NR3C1: variants seen among roughly 807,000 people sequenced by gnomAD.
The protein encoded by NR3C1 is nuclear receptor subfamily 3 group C member 1, also known as glucocorticoid receptor.
NR3C1 carries 14 observed loss-of-function variants against 74.0 expected under a neutral mutation model. That is an observed-to-expected ratio of 0.19 (90% CI 0.12 to 0.30). The LOEUF (loss-of-function observed/expected upper bound fraction) is 0.30, where lower values mean the gene tolerates loss of function less well. NR3C1 is among the 10% of genes least tolerant of loss of function. The pLI, the probability that NR3C1 is intolerant of heterozygous loss-of-function variation, is 1.00. For synonymous variants in NR3C1, 308 were observed against 332.5 expected, an observed-to-expected ratio of 0.93 and a Z score of 0.80; for missense variants, 695 against 909.8, an observed-to-expected ratio of 0.76 and a Z score of 3.04.
intron 2 of NR3C1, among the ~76,000 whole-genome samples, chr5:143,356,299 T>C (rs1013973110): frequency 6.6e-6 from 1 of 152,150 alleles, no homozygotes; most frequent in Non-Finnish European, 1.5e-5. Context: ...TTGATTTAAA[T>C]TGTTTTAAAT....
intron 1 of NR3C1, among the ~76,000 whole-genome samples, chr5:143,429,103 T>C (rs1751683031): frequency 6.6e-6 from 1 of 152,224 alleles, no homozygotes; most frequent in Admixed American, 6.5e-5. Flanking sequence ...TGCTTAATAA[T>C]AAATAACAAT....
At chr5:143,360,415 T>A (rs1832007612) in intron 2 of NR3C1, among the ~76,000 whole-genome samples, 1 of 152,186 alleles carries the variant, frequency 6.6e-6, no homozygotes, top group Non-Finnish European at 1.5e-5. Context: ...TTGAGACAGC[T>A]TTAAAAAACA....
intron 2 of NR3C1, among the ~76,000 whole-genome samples, chr5:143,376,066 T>G (rs1476437746): frequency 6.6e-6 from 1 of 152,002 alleles, no homozygotes; most frequent in African/African-American, 2.4e-5. Flanking sequence ...TCTATGCCAA[T>G]GAGAATTTTT....
intron 3 of NR3C1, among the ~76,000 whole-genome samples, chr5:143,311,244 A>G (rs1023793559): frequency 6.6e-6 from 1 of 152,252 alleles, no homozygotes; most frequent in Non-Finnish European, 1.5e-5. Context: ...AAGTGGTTAT[A>G]ATACAAAAAA....
At chr5:143,415,729 T>A (rs1841455079) in intron 1 of NR3C1, among the ~76,000 whole-genome samples, 1 of 152,206 alleles carries the variant, frequency 6.6e-6, no homozygotes, top group Non-Finnish European at 1.5e-5. Context: ...TATTTTTGTA[T>A]CTAGATCTTT....
At chr5:143,405,108 G>A (rs1841021654), upstream of NR3C1, 1 of 985,190 alleles carries the variant, frequency 1.0e-6, no homozygotes, top group Admixed American at 6.1e-5. Context: ...CCAGCTCGCC[G>A]CGTCGGGAAG....
At chr5:143,374,341 A>C (rs1046027339) in intron 2 of NR3C1, among the ~76,000 whole-genome samples, 1 of 152,086 alleles carries the variant, frequency 6.6e-6, no homozygotes, top group Non-Finnish European at 1.5e-5. Flanking sequence ...AAATACAAAA[A>C]ATTAGCCGGG....
intron 4 of NR3C1, among the ~76,000 whole-genome samples, chr5:143,308,370 G>A (rs1207866026): frequency 1.3e-5 from 2 of 152,100 alleles, no homozygotes; most frequent in Non-Finnish European, 2.9e-5. Context: ...CCTACTGGGT[G>A]GGAAGATGGC....
chr5:143,324,488 G>A (rs1824117020), intron 2 of NR3C1, among the ~76,000 whole-genome samples: 1 of 152,184 alleles, frequency 6.6e-6, no homozygotes, highest in South Asian at 2.1e-4. Context: ...TGAGGACCGT[G>A]GGCCTGGCCC....
At chr5:143,419,111 G>T (rs1008386221) in intron 1 of NR3C1, among the ~76,000 whole-genome samples, 1 of 152,088 alleles carries the variant, frequency 6.6e-6, no homozygotes, top group African/African-American at 2.4e-5. Flanking sequence ...TTGGATTTTT[G>T]GATTAGGGAT....
chr5:143,388,557 A>G (rs998501043), intron 2 of NR3C1, among the ~76,000 whole-genome samples: 8 of 152,222 alleles, frequency 5.3e-5, no homozygotes, highest in African/African-American at 1.9e-4. Context: ...AGGTGAGCAG[A>G]TAAGACACAA....
chr5:143,427,831 T>G (rs956202463), intron 1 of NR3C1, among the ~76,000 whole-genome samples: 2 of 152,208 alleles, frequency 1.3e-5, no homozygotes, highest in Non-Finnish European at 2.9e-5. Flanking sequence ...CTTATAAGTT[T>G]AGAACCTCTG....
intron 2 of NR3C1, among the ~76,000 whole-genome samples, chr5:143,359,011 C>T (rs538014337): frequency 6.6e-6 from 1 of 152,258 alleles, no homozygotes; most frequent in Non-Finnish European, 1.5e-5. Flanking sequence ...TAATATTAAT[C>T]TGCATAGGAA....
upstream of NR3C1, chr5:143,403,761 G>C (rs1308039851): frequency 1.0e-6 from 1 of 984,070 alleles, no homozygotes; most frequent in Non-Finnish European, 1.2e-6. Context: ...GGGGCCGCGC[G>C]GCGGCCGCGG....
chr5:143,412,105 G>A (rs929968110), intron 1 of NR3C1, among the ~76,000 whole-genome samples: 2 of 152,128 alleles, frequency 1.3e-5, no homozygotes, highest in Non-Finnish European at 2.9e-5. Flanking sequence ...TGAATGGGGT[G>A]AGTGCATAGA....
chr5:143,401,468 C>G (rs1840270538), intron 1 of NR3C1: 1 of 155,722 alleles, frequency 6.4e-6, no homozygotes, highest in African/African-American at 2.4e-5. Flanking sequence ...TTCCGACAGG[C>G]TGGGAAAAGG....
intron 2 of NR3C1, among the ~76,000 whole-genome samples, chr5:143,384,871 C>T (rs980817595): frequency 6.6e-6 from 1 of 152,238 alleles, no homozygotes; most frequent in African/African-American, 2.4e-5. Context: ...CTAGGCAGTG[C>T]CCCAGTGGGG....
rs1812846612 is a variant in NR3C1 at position 143,279,896 on chromosome 5, GT to G, written c.*1992del. 5.8e-5 allele frequency: 9 copies of G among 154,522 alleles called. No individual in the cohort carries two copies. Among genetic ancestry groups the G allele is most frequent in the African/African-American group, 2.2e-4 (9 of 41,448 alleles). 9.6% of individuals were successfully genotyped at this position (154,522 alleles called of 1,614,324 possible). A position where few individuals can be genotyped will look rare whatever the true frequency, so the allele number is the denominator to read the frequency against. ...TGTAAGCACCACCTTCCTGTCTCCT[GT>G]TTACATACTTTACATACTTTAGTGC... is the stretch of plus-strand genomic sequence containing the variant. On this transcript the variant is annotated 3_prime_UTR_variant, in exon 9 of 9. Coordinates refer to ENST00000394464, the MANE Select transcript of NR3C1 (RefSeq NM_000176.3).
At chr5:143,334,912 T>C (rs1031463433) in intron 2 of NR3C1, among the ~76,000 whole-genome samples, 1 of 152,166 alleles carries the variant, frequency 6.6e-6, no homozygotes, top group African/African-American at 2.4e-5. Flanking sequence ...GTTTAATTTT[T>C]CTCACAGTGC....
Sources: gnomAD v4.1 joint callset for allele counts (sites outside exome capture counted in the v4.1 genomes callset) on GRCh38, gnomAD v4.1.1 for gene constraint, MANE v1.5 for transcripts, NCBI Gene and HGNC (gene_info 2026-07-23, HGNC 2026-07-21) for gene names.